The following DPY19L3 variants were observed in gnomAD, a reference collection of about 807,000 sequenced individuals.
DPY19L3 encodes the protein protein C-mannosyl-transferase DPY19L3.
In DPY19L3, 51 loss-of-function variants were observed where a neutral mutation model predicts 92.3. That is an observed-to-expected ratio of 0.55 (90% CI 0.44 to 0.70). The LOEUF (loss-of-function observed/expected upper bound fraction) is 0.70, where lower values mean the gene tolerates loss of function less well. DPY19L3 is among the 30% of genes least tolerant of loss of function. DPY19L3 has a pLI of 0.00. For missense variants in DPY19L3, 706 were observed against 855.9 expected, an observed-to-expected ratio of 0.82 and a Z score of 2.18; for synonymous variants, 309 against 315.2, an observed-to-expected ratio of 0.98 and a Z score of 0.21.
At chr19:32,450,495 C>T (rs1969664075) in intron 8 of DPY19L3, among the ~76,000 whole-genome samples, 1 of 152,144 alleles carries the variant, frequency 6.6e-6, no homozygotes, top group Non-Finnish European at 1.5e-5. Context: ...GCCCATATCC[C>T]TTCCATAAAC....
intron 3 of DPY19L3, among the ~76,000 whole-genome samples, chr19:32,423,641 T>G (rs989100975): frequency 1.3e-5 from 2 of 152,074 alleles, no homozygotes; most frequent in Non-Finnish European, 2.9e-5. Context: ...TAAGTAATAA[T>G]GTTATAATGC....
At chr19:32,476,742 C>T (rs1970523749) in intron 16 of DPY19L3, among the ~76,000 whole-genome samples, 1 of 152,018 alleles carries the variant, frequency 6.6e-6, no homozygotes. Flanking sequence ...GCCCCGTGTT[C>T]CTTAAACTGC....
chr19:32,419,501 C>G (rs1051720795), intron 3 of DPY19L3, among the ~76,000 whole-genome samples: 10 of 152,150 alleles, frequency 6.6e-5, no homozygotes, highest in Middle Eastern at 3.4e-3. Flanking sequence ...CACTCTTTCA[C>G]TCAGGCTGGA....
chr19:32,408,603 C>G (rs929113119), intron 2 of DPY19L3, among the ~76,000 whole-genome samples: 1 of 152,132 alleles, frequency 6.6e-6, no homozygotes, highest in African/African-American at 2.4e-5. Context: ...CAATCTCATC[C>G]TTTGACTCTC....
rs61070378 is a variant in DPY19L3 at position 32,438,943 on chromosome 19, GGATGATGAT to G, written c.597-147_597-139del. The G allele has an allele frequency of 4.1e-4, 283 of 686,314 alleles. 1 individual carries two copies. The highest frequency in any genetic ancestry group is 3.8e-3 in the South Asian group (174 of 46,312). 42.5% of individuals were successfully genotyped at this position (686,314 alleles called of 1,614,324 possible). ...TCTCTATGCCAATTTTATGTTACAGGGATGATGATGATGATGATGATGATGATGATAAGG... is the reference window on the plus strand; with the variant it reads ...TCTCTATGCCAATTTTATGTTACAGGGATGATGATGATGATGATGATAAGG... On this transcript the variant is annotated intron_variant, in intron 6 of 18. Transcript: ENST00000392250.
At chr19:32,478,204 C>A (rs186292924) in intron 17 of DPY19L3, among the ~76,000 whole-genome samples, 1 of 152,182 alleles carries the variant, frequency 6.6e-6, no homozygotes, top group African/African-American at 2.4e-5. Flanking sequence ...CCACTAAGGA[C>A]GTGCCATTAG....
intron 12 of DPY19L3, among the ~76,000 whole-genome samples, chr19:32,458,938 T>A (rs1221603125): frequency 6.6e-6 from 1 of 152,238 alleles, no homozygotes; most frequent in Non-Finnish European, 1.5e-5. Flanking sequence ...CACTGTTGAC[T>A]CATAAGCCTC....
At chr19:32,428,691 G>A (rs901074126) in intron 3 of DPY19L3, among the ~76,000 whole-genome samples, 1 of 152,162 alleles carries the variant, frequency 6.6e-6, no homozygotes, top group Non-Finnish European at 1.5e-5. Flanking sequence ...TAGCCTTTTG[G>A]GCATTGCCAG....
chr19:32,456,079 CTTT>C (rs899726982), intron 10 of DPY19L3, among the ~76,000 whole-genome samples: 2 of 103,404 alleles, frequency 1.9e-5, no homozygotes, highest in African/African-American at 3.7e-5. Context: ...TCACTATGTT[CTTT>C]TTTTTTTTTT....
chr19:32,410,435 GT>G (rs1407924407), intron 2 of DPY19L3, among the ~76,000 whole-genome samples: 3 of 152,010 alleles, frequency 2.0e-5, no homozygotes, highest in Admixed American at 6.6e-5. Context: ...TATTCTGTGG[GT>G]TTTTCCCCCC....
At chr19:32,407,376 T>G (rs896765060) in intron 1 of DPY19L3, among the ~76,000 whole-genome samples, 1 of 150,968 alleles carries the variant, frequency 6.6e-6, no homozygotes, top group Non-Finnish European at 1.5e-5. Flanking sequence ...CAGTGTGAAT[T>G]GTTTTATAGA....
intron 12 of DPY19L3, among the ~76,000 whole-genome samples, chr19:32,461,961 C>T (rs1347490713): frequency 2.0e-5 from 3 of 152,232 alleles, no homozygotes; most frequent in South Asian, 4.1e-4. Flanking sequence ...TGTTTCAAGT[C>T]CCTCAGTGGA....
Position 32,407,264 on chromosome 19 carries a change from T to TCCCCCCCCCCCCCCCCCCCCCCC in DPY19L3, c.-37-946_-37-945insCCCCCCCCCCCCCCCCCCCCCCC, listed in dbSNP as rs148363125. On this transcript the variant is annotated intron_variant, in intron 1 of 18. Transcript: ENST00000392250. Reference sequence around the variant, plus strand: ...TGCTGCTGCCAAACCAGGCTCCTGCTCCCCCCCACCCATTACTCCCACCGA... The same window carrying TCCCCCCCCCCCCCCCCCCCCCCC: ...TGCTGCTGCCAAACCAGGCTCCTGCTCCCCCCCCCCCCCCCCCCCCCCCCCCCCCCACCCATTACTCCCACCGA... Among the ~76,000 whole-genome samples, 12 of 81,314 alleles carry TCCCCCCCCCCCCCCCCCCCCCCC rather than the reference T, an allele frequency of 1.5e-4. 1 individual carries two copies. The highest frequency in any genetic ancestry group is 2.2e-4 in the Non-Finnish European group (9 of 40,718). 53.3% of individuals were successfully genotyped at this position (81,314 alleles called of 152,430 possible).
At position 32,483,328 on chromosome 19, in the gene DPY19L3, A is replaced by T. The variant is rs1970724413; in HGVS notation, c.*1088A>T. 1 of 152,638 alleles carries T rather than the reference A, an allele frequency of 6.6e-6. No homozygotes were observed. Among genetic ancestry groups the T allele is most frequent in the Non-Finnish European group, 1.5e-5 (1 of 68,040 alleles). 9.5% of individuals were successfully genotyped at this position (152,638 alleles called of 1,614,324 possible). The stretch of plus-strand genomic sequence containing the variant: ...ATTAAAAGGTAACCAAGTGCCTCTA[A>T]GTCATGCTTATTTGTAAACAACAAA... On this transcript the variant is annotated 3_prime_UTR_variant, in exon 19 of 19. Transcript: ENST00000392250.
In DPY19L3 at chr19:32,413,650, AATAAT is replaced by A. The variant is rs532698164; in HGVS notation, c.237+2280_237+2284del. Among the ~76,000 whole-genome samples the A allele has an allele frequency of 1.6e-3, 234 of 144,120 alleles. 2 individuals carry two copies. The highest frequency in any genetic ancestry group is 7.2e-3 in the Admixed American group (103 of 14,400). The allele number at this position is 144,120 out of a possible 152,430, so 94.5% of individuals were successfully genotyped here. A position where few individuals can be genotyped will look rare whatever the true frequency, so the allele number is the denominator to read the frequency against. ...GAGTGTGATGTTCCCCTCAAAGAAG[AATAAT>A]ACTTATCTTTCAGTGACAGTAGGTA... On this transcript the variant is annotated intron_variant, in intron 3 of 18. Coordinates refer to ENST00000392250, the MANE Select transcript of DPY19L3 (RefSeq NM_001172774.2).
In DPY19L3 at chr19:32,483,361, A is replaced by G. The variant is rs892792607; in HGVS notation, c.*1121A>G. 22 of 152,656 alleles carry G rather than the reference A, an allele frequency of 1.4e-4. No homozygotes were observed. Among genetic ancestry groups the G allele is most frequent in the African/African-American group, 1.9e-4 (8 of 41,458 alleles). The allele number at this position is 152,656 out of a possible 1,614,324, so 9.5% of individuals were successfully genotyped here. ...TTATTTGTAAACAACAAAGAAGAGTATATGTACCTGCTCAAAATTTTTTTG... is the reference window on the plus strand; with the variant it reads ...TTATTTGTAAACAACAAAGAAGAGTGTATGTACCTGCTCAAAATTTTTTTG... On this transcript the variant is annotated 3_prime_UTR_variant, in exon 19 of 19. Coordinates refer to ENST00000392250, the MANE Select transcript of DPY19L3 (RefSeq NM_001172774.2).
chr19:32,426,599 C>T (rs1968773579), intron 3 of DPY19L3, among the ~76,000 whole-genome samples: 1 of 152,090 alleles, frequency 6.6e-6, no homozygotes, highest in South Asian at 2.1e-4. Context: ...GCAGAGAGGC[C>T]TGGGGAGAGG....
chr19:32,421,262 T>C (rs1968557761), intron 3 of DPY19L3, among the ~76,000 whole-genome samples: 4 of 152,180 alleles, frequency 2.6e-5, no homozygotes. Flanking sequence ...TCAGAGCAAT[T>C]AAGGAATGTG....
intron 16 of DPY19L3, among the ~76,000 whole-genome samples, chr19:32,472,264 G>C (rs1214782558): frequency 6.6e-6 from 1 of 152,168 alleles, no homozygotes; most frequent in African/African-American, 2.4e-5. Flanking sequence ...TAGGGATTAA[G>C]TTGCTCTTTT....
Sources: gnomAD v4.1 joint callset for allele counts (sites outside exome capture counted in the v4.1 genomes callset) on GRCh38, gnomAD v4.1.1 for gene constraint, MANE v1.5 for transcripts, NCBI Gene and HGNC (gene_info 2026-07-23, HGNC 2026-07-21) for gene names.